FBXL18: variants seen among roughly 807,000 people sequenced by gnomAD.
The protein encoded by FBXL18 is F-box and leucine rich repeat protein 18.
In FBXL18, 36 loss-of-function variants were observed where a neutral mutation model predicts 46.0. The observed-to-expected ratio is 0.78, with a 90% confidence interval of 0.60 to 1.03. The LOEUF is 1.03. Ranked by LOEUF, FBXL18 falls within the 50% of genes least tolerant of loss-of-function variation. FBXL18 has a pLI of 0.00. For missense variants in FBXL18, 977 were observed against 1,004.1 expected (o/e 0.97, Z 0.36); for synonymous variants, 557 against 465.3 (o/e 1.20, Z -2.54).
chr7:5,481,789 T>A lies in FBXL18; in HGVS notation c.2143A>T (p.Asn715Tyr), dbSNP rs1204615170. Residue 715 changes from asparagine (N) to tyrosine (Y), a missense_variant, in exon 5 of 5, where the codon AAC becomes TAC. Physicochemically the swap from Asn to Tyr is moderately radical, Grantham distance 143. Coordinates refer to ENST00000382368, the MANE Select transcript of FBXL18 (RefSeq NM_024963.6). ...GGCTCCGCCTCTCACCACCACAGGT[T>A]CGGCGGTTCCTCGGCCACTCTGCTC... is the stretch of plus-strand genomic sequence containing the variant. The part of the protein sequence containing the change: ...FKSRVAEEPP[N>Y]LWW 6.2e-7 allele frequency: 1 copy of A among 1,613,370 alleles called. No homozygotes were observed. Among genetic ancestry groups the A allele is most frequent in the Non-Finnish European group, 8.5e-7 (1 of 1,179,974 alleles).
At chr7:5,509,544 T>G (rs1003398068) in intron 1 of FBXL18, among the ~76,000 whole-genome samples, 1 of 151,434 alleles carries the variant, frequency 6.6e-6, no homozygotes, top group Admixed American at 6.6e-5. Context: ...AACACAAAAA[T>G]TAGCCAGGCG....
chr7:5,484,800 G>A (rs1231632951), intron 4 of FBXL18, among the ~76,000 whole-genome samples: 1 of 151,940 alleles, frequency 6.6e-6, no homozygotes, highest in Non-Finnish European at 1.5e-5. Context: ...CACCATGCCT[G>A]GCTAATTTTT....
chr7:5,467,545 C>G (rs530810158), intron 4 of FBXL18, among the ~76,000 whole-genome samples: 2 of 148,654 alleles, frequency 1.3e-5, no homozygotes, highest in South Asian at 4.3e-4. Flanking sequence ...GACTCCGTCT[C>G]CAAAAAAAAA....
At chr7:5,475,144 C>A (rs1426747677), downstream of FBXL18, among the ~76,000 whole-genome samples, 1 of 151,272 alleles carries the variant, frequency 6.6e-6, no homozygotes, top group Non-Finnish European at 1.5e-5. This position sits in a 1 kb window ranked among gnomAD's most constrained non-coding sequence, Gnocchi z 4.2. Flanking sequence ...CATGGCGAAA[C>A]CCCGTCTCTA....
chr7:5,489,766 G>A (rs1032352636), intron 4 of FBXL18: 7 of 293,628 alleles, frequency 2.4e-5, no homozygotes, highest in African/African-American at 6.6e-5. Flanking sequence ...GCGACAGAGC[G>A]AGACTCTGTC....
At chr7:5,471,266 T>C (rs1783422649), downstream of FBXL18, among the ~76,000 whole-genome samples, 1 of 152,168 alleles carries the variant, frequency 6.6e-6, no homozygotes, top group Non-Finnish European at 1.5e-5. Flanking sequence ...CTCCCGAGGC[T>C]TCCAGTGCAA....
downstream of FBXL18, among the ~76,000 whole-genome samples, chr7:5,474,366 T>C (rs1783474410): frequency 6.6e-6 from 1 of 150,572 alleles, no homozygotes; most frequent in Non-Finnish European, 1.5e-5. Flanking sequence ...TGGAGTGCAG[T>C]GGTGCAATCA....
chr7:5,461,563 C>T (rs2128230916), intron 4 of FBXL18, among the ~76,000 whole-genome samples: 1 of 152,214 alleles, frequency 6.6e-6, no homozygotes, highest in Non-Finnish European at 1.5e-5. Context: ...GGATTGCTTA[C>T]ACCCAGGAGG....
intron 1 of FBXL18, 107 bp downstream of exon 1, chr7:5,513,550 G>A (rs1784596008): frequency 2.4e-6 from 3 of 1,273,688 alleles, no homozygotes; most frequent in Admixed American, 1.9e-5. Flanking sequence ...GGGCGGGGTA[G>A]GGGTCGGGAT....
chr7:5,490,474 G>A (rs536687711), intron 4 of FBXL18, among the ~76,000 whole-genome samples: 9 of 152,366 alleles, frequency 5.9e-5, no homozygotes, highest in African/African-American at 1.9e-4. Flanking sequence ...GTCACGAGGG[G>A]AAGCGGAGAT....
rs576428209 is a variant in FBXL18 at position 5,461,809 on chromosome 7, C to T, written c.2001-13966G>A. On this transcript the variant is annotated intron_variant and NMD_transcript_variant, in intron 4 of 6. Coordinates refer to the FBXL18 transcript ENST00000415009. Reference sequence around the variant, plus strand: ...TACAAAAATTGGCCAGGCATGATGGCGGGCGCCTGTAGTCCCAGCTACTCG... The same window carrying T: ...TACAAAAATTGGCCAGGCATGATGGTGGGCGCCTGTAGTCCCAGCTACTCG... 1.4e-3 allele frequency among the ~76,000 whole-genome samples: 213 copies of T among 152,060 alleles called. 2 individuals carry two copies. Among genetic ancestry groups the T allele is most frequent in the Non-Finnish European group, 7.6e-4 (52 of 67,996 alleles).
intron 4 of FBXL18, among the ~76,000 whole-genome samples, chr7:5,465,836 G>C (rs9690727): frequency 3.0e-4 from 45 of 148,678 alleles, no homozygotes; most frequent in African/African-American, 1.1e-3. Context: ...TTTTTTTTTG[G>C]AAATGGAGTC....
intron 4 of FBXL18, among the ~76,000 whole-genome samples, chr7:5,470,154 G>A (rs1302452827): frequency 6.6e-6 from 1 of 152,104 alleles, no homozygotes; most frequent in African/African-American, 2.4e-5. Flanking sequence ...GTGACGCTGG[G>A]GCACCTCCCC....
chr7:5,464,829 C>T (rs1406029443), intron 4 of FBXL18, among the ~76,000 whole-genome samples: 2 of 150,862 alleles, frequency 1.3e-5, no homozygotes, highest in Non-Finnish European at 1.5e-5. Context: ...TTTGGGAGGC[C>T]GAGGTGGGCA....
intron 4 of FBXL18, among the ~76,000 whole-genome samples, chr7:5,470,721 C>CG (rs201019685): frequency 3.8e-4 from 2 of 5,296 alleles, no homozygotes; most frequent in East Asian, 0.012. Flanking sequence ...GTCCCCTTCC[C>CG]GGGGGGGAGA....
At chr7:5,490,898 G>T (rs112373939) in intron 4 of FBXL18, among the ~76,000 whole-genome samples, 2 of 152,206 alleles carry the variant, frequency 1.3e-5, no homozygotes, top group African/African-American at 4.8e-5. Context: ...GGCGAAGGTC[G>T]CAGTGAGCCG....
At chr7:5,503,734 T>C (rs6463490) in intron 2 of FBXL18, among the ~76,000 whole-genome samples, 139,260 of 152,032 alleles carry the variant, frequency 0.92, 63,814 homozygotes, top group Middle Eastern at 0.95. Context: ...TTTGGGAGGC[T>C]GAAATGGGCG....
rs1197600445 is a variant in FBXL18, at chr7:5,467,477, C to T, written c.2001-19634G>A. Among the ~76,000 whole-genome samples the T allele has an allele frequency of 2.7e-5, 4 of 150,290 alleles. No homozygotes were observed. In the Admixed American group the frequency reaches 2.7e-4, roughly 10 times the overall value. On this transcript the variant is annotated intron_variant and NMD_transcript_variant, in intron 4 of 6. Transcript: ENST00000415009. ...AGGAGAATCACTTGAACCTGGGAGGCGGAGGTTGCAGTGAGCCGAGATCAC... is the reference window on the plus strand; with the variant it reads ...AGGAGAATCACTTGAACCTGGGAGGTGGAGGTTGCAGTGAGCCGAGATCAC...
chr7:5,470,597 G>C (rs1783411146), intron 4 of FBXL18, among the ~76,000 whole-genome samples: 1 of 152,156 alleles, frequency 6.6e-6, no homozygotes, highest in Admixed American at 6.5e-5. Flanking sequence ...CCACAGGGCA[G>C]GCAGACACAA....
Sources: allele counts gnomAD v4.1 joint callset (sites outside exome capture counted in the v4.1 genomes callset), GRCh38; gene constraint gnomAD v4.1.1; non-coding constraint Gnocchi (gnomAD v3.1); transcripts MANE v1.5; gene names NCBI Gene and HGNC (gene_info 2026-07-23, HGNC 2026-07-21).